Variants in MRPL13 observed in about 807,000 individuals in gnomAD.
MRPL13 encodes large ribosomal subunit protein uL13m.
Under a neutral mutation model 29.0 loss-of-function variants are expected in MRPL13, and 33 were observed. The observed-to-expected ratio is 1.14, with a 90% CI of 0.86 to 1.52. The LOEUF (loss-of-function observed/expected upper bound fraction) is 1.52, where lower values mean the gene tolerates loss of function less well. MRPL13 is among the 40% of genes most tolerant of loss of function. The pLI is 0.00. For synonymous variants in MRPL13, 77 were observed against 68.4 expected (o/e 1.13, Z -0.62); for missense variants, 227 against 216.7 (o/e 1.05, Z -0.30).
intron 5 of MRPL13, 157 bp downstream of exon 5, chr8:120,419,695 A>AT (rs752027874): frequency 7.0e-6 from 3 of 425,984 alleles, no homozygotes; most frequent in Non-Finnish European, 1.2e-5. Context: ...TAGAATTATC[A>AT]TTTTTTATAC....
intron 2 of MRPL13, among the ~76,000 whole-genome samples, chr8:120,438,834 G>A (rs1813083631): frequency 6.6e-6 from 1 of 152,218 alleles, no homozygotes; most frequent in South Asian, 2.1e-4. Context: ...ATGAAGAGAT[G>A]AGGTGGTTAA....
chr8:120,395,776 ATT>A lies in MRPL13; in HGVS notation c.*326_*327del. The A allele has an allele frequency of 5.1e-6, 1 of 195,418 alleles. No individual in the cohort carries two copies. Among genetic ancestry groups the A allele is most frequent in the Non-Finnish European group, 1.0e-5 (1 of 97,282 alleles). The allele number at this position is 195,418 out of a possible 1,614,324, so 12.1% of individuals were successfully genotyped here. The stretch of plus-strand genomic sequence containing the variant: ...CTTGAGAAAATCTGCATGGAGAGGC[ATT>A]TTTGGAATGTGTAACTGCAATTCTA... On this transcript the variant is annotated 3_prime_UTR_variant, in exon 7 of 7. Coordinates refer to ENST00000306185, the MANE Select transcript of MRPL13 (RefSeq NM_014078.6).
chr8:120,399,460 C>T (rs1465311576), intron 6 of MRPL13, among the ~76,000 whole-genome samples: 1 of 152,150 alleles, frequency 6.6e-6, no homozygotes, highest in Non-Finnish European at 1.5e-5. Flanking sequence ...GAATTCGTCA[C>T]CACCAGGCCT....
chr8:120,434,864 CA>C (rs1407523114), intron 2 of MRPL13, among the ~76,000 whole-genome samples: 2 of 152,122 alleles, frequency 1.3e-5, no homozygotes, highest in Admixed American at 1.3e-4. Flanking sequence ...ACTGAAATGG[CA>C]AACTCTACTT....
At chr8:120,400,535 A>G (rs1434743176) in intron 6 of MRPL13, among the ~76,000 whole-genome samples, 2 of 152,098 alleles carry the variant, frequency 1.3e-5, no homozygotes, top group Non-Finnish European at 2.9e-5. Flanking sequence ...CTTAGATCTC[A>G]AATTAACAAC....
Position 120,443,193 on chromosome 8 carries a change from T to C in MRPL13, c.143A>G (p.His48Arg). Residue 48 changes from histidine to arginine, a missense_variant, in exon 2 of 7, where the codon CAT (histidine) becomes CGT (arginine). His to Arg is a conservative substitution (Grantham distance 29). Coordinates refer to ENST00000306185, the MANE Select transcript of MRPL13 (RefSeq NM_014078.6). Reference sequence around the variant, plus strand: ...TCTAAAATAATACTTACTCAGTGCATGGTACACAGGTTTATGTAATCCCTG... The same window carrying C: ...TCTAAAATAATACTTACTCAGTGCACGGTACACAGGTTTATGTAATCCCTG... ...RLQGLHKPVY[H>R]ALSDCGDHVV... is the part of the protein sequence containing the mutation. 1 of 1,577,270 alleles carries C rather than the reference T, an allele frequency of 6.3e-7. No homozygotes were observed. Among genetic ancestry groups the C allele is most frequent in the Non-Finnish European group, 8.6e-7 (1 of 1,164,864 alleles).
intron 2 of MRPL13, among the ~76,000 whole-genome samples, chr8:120,434,800 G>C (rs1160615557): frequency 6.6e-6 from 1 of 151,960 alleles, no homozygotes. Context: ...CTACTGTCTG[G>C]GCCAGGTAAG....
chr8:120,433,375 C>T (rs528291533), intron 2 of MRPL13, among the ~76,000 whole-genome samples: 1 of 152,208 alleles, frequency 6.6e-6, no homozygotes, highest in African/African-American at 2.4e-5. Flanking sequence ...TGCAGAGGCT[C>T]ACACGCTAAG....
chr8:120,404,906 G>A (rs1326890671), intron 6 of MRPL13, among the ~76,000 whole-genome samples: 1 of 151,972 alleles, frequency 6.6e-6, no homozygotes, highest in African/African-American at 2.4e-5. Context: ...TTGAAGGCAG[G>A]GCCCTGATAT....
intron 1 of MRPL13, among the ~76,000 whole-genome samples, chr8:120,444,632 C>G (rs1813178674): frequency 1.3e-5 from 2 of 152,262 alleles, no homozygotes; most frequent in South Asian, 4.1e-4. Context: ...CTACTAACCC[C>G]TATTTCTGAA....
At chr8:120,413,806 T>A (rs1812769510) in intron 6 of MRPL13, among the ~76,000 whole-genome samples, 185 bp downstream of exon 6, 1 of 152,174 alleles carries the variant, frequency 6.6e-6, no homozygotes. Flanking sequence ...AAGGTCTTAA[T>A]GCTTAAAAAT....
intron 3 of MRPL13, among the ~76,000 whole-genome samples, chr8:120,430,615 G>A (rs974558375): frequency 6.6e-6 from 1 of 152,160 alleles, no homozygotes; most frequent in Non-Finnish European, 1.5e-5. Context: ...GGATAAATAG[G>A]AGAATTCCTC....
intron 6 of MRPL13, among the ~76,000 whole-genome samples, chr8:120,411,861 A>G (rs1284195444): frequency 1.3e-5 from 2 of 152,188 alleles, no homozygotes; most frequent in Non-Finnish European, 2.9e-5. Flanking sequence ...GCCCTTTCTA[A>G]TTCTATTAAT....
chr8:120,396,657 T>G (rs553724820), intron 6 of MRPL13, among the ~76,000 whole-genome samples: 4 of 152,186 alleles, frequency 2.6e-5, no homozygotes, highest in Non-Finnish European at 5.9e-5. Context: ...TATGCAATTA[T>G]AAGATTAACC....
chr8:120,444,732 C>T (rs1391122491), intron 1 of MRPL13, among the ~76,000 whole-genome samples: 1 of 152,092 alleles, frequency 6.6e-6, no homozygotes, highest in East Asian at 1.9e-4. Context: ...CCAAAAGGTC[C>T]CCATTTTACT....
chr8:120,409,792 T>C (rs1812721251), intron 6 of MRPL13, among the ~76,000 whole-genome samples: 1 of 152,158 alleles, frequency 6.6e-6, no homozygotes, highest in African/African-American at 2.4e-5. Context: ...ATAAAATGGC[T>C]TTTAGTTTTA....
chr8:120,425,514 G>A (rs979388460), intron 3 of MRPL13, 148 bp from the exon 4 acceptor site: 9 of 544,068 alleles, frequency 1.7e-5, no homozygotes, highest in Non-Finnish European at 2.2e-5. Context: ...AGTAATCTAC[G>A]CTTTTTGAAA....
In MRPL13 at chr8:120,419,915, GC is replaced by G. The variant is rs1812849596; in HGVS notation, c.329del (p.Gly110AlafsTer12). 6.3e-7 allele frequency: 1 copy of G among 1,591,724 alleles called. No homozygotes were observed. Among genetic ancestry groups the G allele is most frequent in the Non-Finnish European group, 8.6e-7 (1 of 1,169,496 alleles). ...TTCTGTGAAGGTTTTTTGGCAGCAT[GC>G]CATAAATAGCTAGTTTTACAATCTG... ...PVAIVKLAIY[G>X]MLPKNLHRRT... On this transcript the variant is annotated frameshift_variant, in exon 5 of 7. Transcript: ENST00000306185. LOFTEE classifies it high-confidence loss of function.
intron 1 of MRPL13, 157 bp downstream of exon 1, chr8:120,444,911 G>C (rs1813185240): frequency 1.3e-6 from 1 of 781,164 alleles, no homozygotes; most frequent in African/African-American, 1.7e-5. Context: ...TTAAGTGCTT[G>C]CCAGACTGAC....
Sources: allele counts gnomAD v4.1 joint callset (sites outside exome capture counted in the v4.1 genomes callset), GRCh38; gene constraint gnomAD v4.1.1; transcripts MANE v1.5; gene names NCBI Gene and HGNC (gene_info 2026-07-23, HGNC 2026-07-21).